The following ADAMTS6 variants were observed in gnomAD, a reference collection of about 807,000 sequenced individuals.
ADAMTS6 encodes A disintegrin and metalloproteinase with thrombospondin motifs 6.
In ADAMTS6, 23 loss-of-function variants were observed where a neutral mutation model predicts 144.3. The ratio of observed to expected loss-of-function variants is 0.16; its 90% confidence interval spans 0.11 to 0.23. The LOEUF (loss-of-function observed/expected upper bound fraction) is 0.23. Among genes scored for constraint, ADAMTS6 ranks in the 10% least tolerant of loss-of-function variants. The pLI, the probability that ADAMTS6 is intolerant of heterozygous loss-of-function variation, is 1.00. For missense variants in ADAMTS6, 999 were observed against 1,379.6 expected, an observed-to-expected ratio of 0.72 and a Z score of 4.37; for synonymous variants, 444 against 457.5, an observed-to-expected ratio of 0.97 and a Z score of 0.38.
At chr5:65,327,316 G>C (rs886875834) in intron 9 of ADAMTS6, among the ~76,000 whole-genome samples, 19 of 152,074 alleles carry the variant, frequency 1.2e-4, no homozygotes, top group African/African-American at 4.6e-4. Flanking sequence ...TCAGACTTAG[G>C]TATTCCTTTA....
intron 14 of ADAMTS6, among the ~76,000 whole-genome samples, chr5:65,254,971 A>G (rs1561336228): frequency 6.6e-6 from 1 of 152,230 alleles, no homozygotes; most frequent in Non-Finnish European, 1.5e-5. Context: ...AGTTGCTCCT[A>G]CTACTACCAC....
chr5:65,373,013 T>C (rs1457300084), intron 7 of ADAMTS6, among the ~76,000 whole-genome samples: 1 of 152,118 alleles, frequency 6.6e-6, no homozygotes, highest in East Asian at 1.9e-4. Flanking sequence ...GACTACTGGG[T>C]ACGTAACAAA....
intron 24 of ADAMTS6, among the ~76,000 whole-genome samples, chr5:65,163,042 TATGACTACAGCCAC>T (rs1489551410): frequency 6.6e-6 from 1 of 152,176 alleles, no homozygotes; most frequent in Non-Finnish European, 1.5e-5. Context: ...CCCAAGGAGC[TATGACTACAGCCAC>T]ATACCACCAT....
chr5:65,269,468 C>T (rs1360978212), intron 12 of ADAMTS6, among the ~76,000 whole-genome samples: 1 of 152,116 alleles, frequency 6.6e-6, no homozygotes, highest in Non-Finnish European at 1.5e-5. Context: ...ACTGTCACCA[C>T]CTAGATTAGG....
intron 7 of ADAMTS6, among the ~76,000 whole-genome samples, chr5:65,402,231 CTA>C (rs1422631104): frequency 1.3e-5 from 2 of 152,096 alleles, no homozygotes; most frequent in Admixed American, 6.6e-5. Flanking sequence ...GCATCTACTC[CTA>C]TGTCTCTTTC....
intron 7 of ADAMTS6, among the ~76,000 whole-genome samples, chr5:65,393,332 TA>T (rs1279361662): frequency 6.6e-6 from 1 of 152,228 alleles, no homozygotes; most frequent in East Asian, 1.9e-4. Flanking sequence ...TTCTTTAACA[TA>T]ATCCTTCCAT....
intron 18 of ADAMTS6, among the ~76,000 whole-genome samples, chr5:65,222,082 C>G (rs1224827058): frequency 6.6e-6 from 1 of 152,132 alleles, no homozygotes; most frequent in Non-Finnish European, 1.5e-5. Context: ...CATATACTCT[C>G]TTTCTGTATA....
rs541208292 is a variant in ADAMTS6, at chr5:65,319,969, G to A, written c.1223+9409C>T. ...AGTGATTCTCCTGCCTCAGCCTCCC[G>A]AGTAGCTGGGATTACAGGCATGTGC... On this transcript the variant is annotated intron_variant, in intron 9 of 24. Transcript: ENST00000381055. 7.3e-3 allele frequency among the ~76,000 whole-genome samples: 1,104 copies of A among 151,922 alleles called. 13 individuals carry two copies. Among genetic ancestry groups the A allele is most frequent in the African/African-American group, 0.025 (1,019 of 41,442 alleles).
chr5:65,198,984 G>T (rs1203058429), intron 20 of ADAMTS6, among the ~76,000 whole-genome samples: 1 of 151,948 alleles, frequency 6.6e-6, no homozygotes, highest in African/African-American at 2.4e-5. Flanking sequence ...AGGTCCATGT[G>T]GTCCACCTAG....
intron 1 of ADAMTS6, among the ~76,000 whole-genome samples, chr5:65,479,312 A>G (rs1241760094): frequency 6.6e-6 from 1 of 152,190 alleles, no homozygotes; most frequent in African/African-American, 2.4e-5. Flanking sequence ...AAAATTTGTG[A>G]GATTGGTTTC....
chr5:65,301,843 CT>C (rs1373585695), intron 9 of ADAMTS6, among the ~76,000 whole-genome samples: 7 of 151,966 alleles, frequency 4.6e-5, no homozygotes, highest in Non-Finnish European at 8.8e-5. Context: ...AATCCCAGCG[CT>C]TTGCGAGGCT....
chr5:65,427,604 G>A (rs1370027502), intron 7 of ADAMTS6, among the ~76,000 whole-genome samples: 3 of 151,828 alleles, frequency 2.0e-5, no homozygotes, highest in Admixed American at 6.6e-5. Context: ...CGAGACCATC[G>A]TGGCTAACAT....
chr5:65,222,316 T>C (rs1406645588), intron 18 of ADAMTS6, among the ~76,000 whole-genome samples: 1 of 152,188 alleles, frequency 6.6e-6, no homozygotes, highest in East Asian at 1.9e-4. Flanking sequence ...CCATGTATGC[T>C]TAATTGATCT....
chr5:65,478,249 T>C (rs1209324322), intron 1 of ADAMTS6, among the ~76,000 whole-genome samples: 1 of 152,172 alleles, frequency 6.6e-6, no homozygotes, highest in Non-Finnish European at 1.5e-5. Flanking sequence ...TGACACCTGG[T>C]GGGGAGGTTA....
At chr5:65,180,160 T>C (rs759287922) in intron 22 of ADAMTS6, among the ~76,000 whole-genome samples, 2 of 152,174 alleles carry the variant, frequency 1.3e-5, no homozygotes, top group Non-Finnish European at 2.9e-5. Flanking sequence ...TTAGGGGCAA[T>C]CTTTGAGCCT....
Position 65,221,838 on chromosome 5 carries a change from T to C in ADAMTS6, c.2272+2482A>G, listed in dbSNP as rs1205245817. Among the ~76,000 whole-genome samples, 4 of 152,084 alleles carry C rather than the reference T, an allele frequency of 2.6e-5. No homozygotes were observed. The East Asian group carries it at 7.7e-4, about 29-fold the overall frequency. ...ATATAAAAAGAAATAAACTATATTA[T>C]TCCCTAACAACAAAAAACTGGAAAT... On this transcript the variant is annotated intron_variant, in intron 18 of 24. Coordinates refer to ENST00000381055, the MANE Select transcript of ADAMTS6 (RefSeq NM_197941.4).
chr5:65,284,180 TAAAC>T (rs1763194242), intron 11 of ADAMTS6, among the ~76,000 whole-genome samples: 2 of 151,942 alleles, frequency 1.3e-5, no homozygotes, highest in South Asian at 2.1e-4. Flanking sequence ...AATAATAAAA[TAAAC>T]AAAAGGGAAT....
At chr5:65,372,805 T>C (rs1751096086) in intron 7 of ADAMTS6, among the ~76,000 whole-genome samples, 1 of 152,150 alleles carries the variant, frequency 6.6e-6, no homozygotes, top group Middle Eastern at 3.2e-3. Flanking sequence ...AGAATATACA[T>C]TTTTCTTAGC....
At chr5:65,188,710 C>T (rs1754821595) in intron 21 of ADAMTS6, among the ~76,000 whole-genome samples, 1 of 152,084 alleles carries the variant, frequency 6.6e-6, no homozygotes, top group South Asian at 2.1e-4. Flanking sequence ...TAAAGGTGAA[C>T]AGGAGAAGAT....
Sources: allele counts gnomAD v4.1 joint callset (sites outside exome capture counted in the v4.1 genomes callset), GRCh38; gene constraint gnomAD v4.1.1; transcripts MANE v1.5; gene names NCBI Gene and HGNC (gene_info 2026-07-23, HGNC 2026-07-21).